The following SELENOK variants were observed in gnomAD, a reference collection of about 807,000 sequenced individuals.
The protein encoded by SELENOK is selenoprotein K.
In SELENOK, 11 loss-of-function variants were observed where a neutral mutation model predicts 17.3. That is an observed-to-expected ratio of 0.63 (90% confidence interval 0.40 to 1.05). The LOEUF (loss-of-function observed/expected upper bound fraction) is 1.05. Ranked by LOEUF, SELENOK falls within the 50% of genes least tolerant of loss-of-function variation. The pLI is 0.00. For missense variants in SELENOK, 125 were observed against 113.9 expected, an observed-to-expected ratio of 1.10 and a Z score of -0.44; for synonymous variants, 45 against 35.4, an observed-to-expected ratio of 1.27 and a Z score of -0.97.
intron 1 of SELENOK, 139 bp downstream of exon 1, chr3:53,891,631 G>A: frequency 9.0e-7 from 1 of 1,115,990 alleles, no homozygotes; most frequent in South Asian, 1.4e-5. Flanking sequence ...AGGCGACTTC[G>A]GTCCAGCTCC....
intron 4 of SELENOK, 39 bp downstream of exon 4, chr3:53,885,787 A>C: frequency 6.6e-7 from 1 of 1,518,326 alleles, no homozygotes; most frequent in Non-Finnish European, 9.0e-7. Flanking sequence ...AGTGTTTTCA[A>C]AACAAAATCC....
rs1228112062 is a variant in SELENOK, at chr3:53,888,417, C to A, written c.86G>T (p.Gly29Val). ...CAACAAAACCACAAACTCAGCTATTCCCCAGAAGAAATCTGTTATCAAAGA... is the reference window on the plus strand; with the variant it reads ...CAACAAAACCACAAACTCAGCTATTACCCAGAAGAAATCTGTTATCAAAGA... ...RLSLITDFFW[G>V]IAEFVVLFFK... Residue 29 changes from glycine (G) to valine (V), a missense_variant, in exon 2 of 5, where the codon GGA becomes GTA. Physicochemically the swap from Gly to Val is moderately radical, Grantham distance 109. Coordinates refer to ENST00000495461, the MANE Select transcript of SELENOK (RefSeq NM_021237.5). 7 of 1,612,398 alleles carry A rather than the reference C, an allele frequency of 4.3e-6. No individual in the cohort carries two copies. Among genetic ancestry groups the A allele is most frequent in the South Asian group, 1.1e-5 (1 of 91,044 alleles).
chr3:53,888,883 C>T (rs998569245), intron 1 of SELENOK, among the ~76,000 whole-genome samples: 3 of 151,936 alleles, frequency 2.0e-5, no homozygotes, highest in African/African-American at 4.8e-5. Flanking sequence ...GGTGAAACCC[C>T]GTCTCTACTA....
At chr3:53,889,159 C>T (rs1378092755) in intron 1 of SELENOK, among the ~76,000 whole-genome samples, 1 of 152,172 alleles carries the variant, frequency 6.6e-6, no homozygotes, top group Non-Finnish European at 1.5e-5. Flanking sequence ...GAGTACAGTT[C>T]TGTGATATTA....
rs1427437256 is a variant in SELENOK, at chr3:53,884,650, TTTTA to T, written c.*904_*907del. 5 of 152,240 alleles carry T rather than the reference TTTTA, an allele frequency of 3.3e-5. No homozygotes were observed. The highest frequency in any genetic ancestry group is 1.3e-4 in the Admixed American group (2 of 15,282). The allele number at this position is 152,240 out of a possible 1,614,324, so 9.4% of individuals were successfully genotyped here. On this transcript the variant is annotated 3_prime_UTR_variant, in exon 5 of 5. Coordinates refer to ENST00000495461, the MANE Select transcript of SELENOK (RefSeq NM_021237.5). ...GTCAAGATAGCATGGAAGCCCATGGTTTTATTTATTTTTTTGAGACAGGGTCTCA... is the reference window on the plus strand; with the variant it reads ...GTCAAGATAGCATGGAAGCCCATGGTTTTATTTTTTTGAGACAGGGTCTCA...
intron 2 of SELENOK, chr3:53,888,167 T>C (rs551610495): frequency 2.0e-5 from 8 of 403,722 alleles, no homozygotes; most frequent in Admixed American, 1.8e-4. Context: ...AAGGTTAAGA[T>C]GTGGTCAAGT....
intron 1 of SELENOK, 38 bp downstream of exon 1, chr3:53,891,732 A>C (rs1180364199): frequency 6.2e-7 from 1 of 1,613,168 alleles, no homozygotes; most frequent in Admixed American, 1.7e-5. Context: ...CCGATCTTAC[A>C]AGTCACCGGT....
chr3:53,885,973 T>A, intron 3 of SELENOK, 61 bp from the exon 4 acceptor site: 1 of 1,132,162 alleles, frequency 8.8e-7, no homozygotes, highest in Non-Finnish European at 1.2e-6. Context: ...TGTCTCCTTT[T>A]AAAAGCACTC....
Position 53,885,552 on chromosome 3 carries a change from A to G in SELENOK, c.*6T>C, listed in dbSNP as rs368203535. On this transcript the variant is annotated 3_prime_UTR_variant, in exon 5 of 5. Transcript: ENST00000495461. ...TGTCCGGTTGTCTGCTTCTTAGAGC[A>G]GACATTTACCTGAAAGAAAATGTTA... 1.3e-5 allele frequency: 21 copies of G among 1,610,280 alleles called. No individual in the cohort carries two copies. Among genetic ancestry groups the G allele is most frequent in the East Asian group, 1.1e-4 (5 of 44,870 alleles).
At chr3:53,889,572 T>C (rs1700153178) in intron 1 of SELENOK, among the ~76,000 whole-genome samples, 1 of 152,220 alleles carries the variant, frequency 6.6e-6, no homozygotes, top group Admixed American at 6.5e-5. Context: ...GCTATCAACA[T>C]GGGTGTAAAA....
In SELENOK at chr3:53,888,427, A is replaced by C. The variant is rs546499317; in HGVS notation, c.76T>G (p.Phe26Val). The change falls in exon 2 of 5, where the codon TTC (phenylalanine) becomes GTC (valine). Residue 26 changes from phenylalanine to valine, a missense_variant. By Grantham distance (50) the Phe-to-Val change is conservative. Transcript: ENST00000495461. ...SPWRLSLITD[F>V]FWGIAEFVVL... ...ACAAACTCAGCTATTCCCCAGAAGAAATCTGTTATCAAAGATAATCTCCAT... is the reference window on the plus strand; with the variant it reads ...ACAAACTCAGCTATTCCCCAGAAGACATCTGTTATCAAAGATAATCTCCAT... 1 of 1,612,822 alleles carries C rather than the reference A, an allele frequency of 6.2e-7. No individual in the cohort carries two copies. Among genetic ancestry groups the C allele is most frequent in the African/African-American group, 1.3e-5 (1 of 75,056 alleles).
At chr3:53,889,359 T>G (rs950674522) in intron 1 of SELENOK, among the ~76,000 whole-genome samples, 10 of 152,238 alleles carry the variant, frequency 6.6e-5, no homozygotes, top group Non-Finnish European at 1.0e-4. Flanking sequence ...AAAAGAAGAA[T>G]AATACAATTT....
At chr3:53,888,326 C>T in intron 2 of SELENOK, 67 bp downstream of exon 2, 5 of 980,236 alleles carry the variant, frequency 5.1e-6, no homozygotes, top group African/African-American at 1.6e-5. Flanking sequence ...AGATCCCTAA[C>T]ATAATGCACA....
intron 1 of SELENOK, among the ~76,000 whole-genome samples, chr3:53,889,068 A>C (rs1700148650): frequency 6.6e-6 from 1 of 152,068 alleles, no homozygotes; most frequent in Non-Finnish European, 1.5e-5. Flanking sequence ...AAAAAACAAC[A>C]AAAAAACACA....
At chr3:53,891,336 C>A (rs1700167394) in intron 1 of SELENOK, among the ~76,000 whole-genome samples, 1 of 152,192 alleles carries the variant, frequency 6.6e-6, no homozygotes, top group African/African-American at 2.4e-5. Flanking sequence ...TCTATCTGAG[C>A]CTCAGAGTTT....
At position 53,891,833 on chromosome 3, in the gene SELENOK, T is replaced by A. The variant is rs1559800274; in HGVS notation, c.-45A>T. ...TCGGAGCCACCGGGCGCCTGGCCCC[T>A]GTCGGTTTCTGTATCTCCCTCTGCT... On this transcript the variant is annotated 5_prime_UTR_variant, in exon 1 of 5. Coordinates refer to ENST00000495461, the MANE Select transcript of SELENOK (RefSeq NM_021237.5). 4.3e-6 allele frequency: 7 copies of A among 1,609,774 alleles called. No homozygotes were observed. The highest frequency in any genetic ancestry group is 6.0e-6 in the Non-Finnish European group (7 of 1,176,228).
chr3:53,885,853 G>T lies in SELENOK; in HGVS notation c.254C>A (p.Pro85His). 3.1e-6 allele frequency: 5 copies of T among 1,587,420 alleles called. No homozygotes were observed. Among genetic ancestry groups the T allele is most frequent in the Admixed American group, 1.8e-5 (1 of 55,728 alleles). The change falls in exon 4 of 5, where the codon CCC (proline) becomes CAC (histidine). Residue 85 changes from proline to histidine, a missense_variant. By Grantham distance (77) the Pro-to-His change is moderately conservative (BLOSUM62 -2). Coordinates refer to ENST00000495461, the MANE Select transcript of SELENOK (RefSeq NM_021237.5). ...GRINHLRGPS[P>H]PPMAGGUGR ...TCCTCATCCACCAGCCATTGGAGGG[G>T]GACTAGGGCCACGCAGATGATTGAT... is the stretch of plus-strand genomic sequence containing the variant.
chr3:53,884,422 G>C lies in SELENOK; in HGVS notation c.*1136C>G, dbSNP rs1030420851. ...ACCAGAAGAGGAATTATCTGTTTTCGTTTTTCCAATAAATATTTATTTCCA... is the reference window on the plus strand; with the variant it reads ...ACCAGAAGAGGAATTATCTGTTTTCCTTTTTCCAATAAATATTTATTTCCA... On this transcript the variant is annotated 3_prime_UTR_variant, in exon 5 of 5. Transcript: ENST00000495461. 6.6e-6 allele frequency: 1 copy of C among 152,070 alleles called. No individual in the cohort carries two copies. The highest frequency in any genetic ancestry group is 1.5e-5 in the Non-Finnish European group (1 of 67,994). The allele number at this position is 152,070 out of a possible 1,614,324, so 9.4% of individuals were successfully genotyped here. A position where few individuals can be genotyped will look rare whatever the true frequency, so the allele number is the denominator to read the frequency against.
chr3:53,886,237 T>C (rs1463619710), intron 3 of SELENOK, among the ~76,000 whole-genome samples: 1 of 152,164 alleles, frequency 6.6e-6, no homozygotes, highest in Non-Finnish European at 1.5e-5. Context: ...TTGATCTTGA[T>C]CTTTACGGCT....
Sources: gnomAD v4.1 joint callset for allele counts (sites outside exome capture counted in the v4.1 genomes callset) on GRCh38, gnomAD v4.1.1 for gene constraint, MANE v1.5 for transcripts, NCBI Gene and HGNC (gene_info 2026-07-23, HGNC 2026-07-21) for gene names.